The following RASA2 variants were observed in gnomAD, a reference collection of about 807,000 sequenced individuals.
The protein encoded by RASA2 is RAS p21 protein activator 2.
RASA2 carries 155 observed loss-of-function variants against 118.2 expected under a neutral mutation model. The ratio of observed to expected loss-of-function variants is 1.31; its 90% confidence interval spans 1.15 to 1.50. The LOEUF is 1.50. Among genes scored for constraint, RASA2 ranks in the 40% most tolerant of loss-of-function variants. RASA2 has a pLI of 0.00. For synonymous variants in RASA2, 353 were observed against 349.1 expected (o/e 1.01, Z -0.12); for missense variants, 1,016 against 1,009.6 (o/e 1.01, Z -0.09).
At chr3:141,557,676 A>G (rs916624766) in intron 7 of RASA2, among the ~76,000 whole-genome samples, 2 of 152,136 alleles carry the variant, frequency 1.3e-5, no homozygotes, top group Non-Finnish European at 1.5e-5. Context: ...GAGAAAGAAC[A>G]AAGCTGGGGA....
intron 19 of RASA2, among the ~76,000 whole-genome samples, chr3:141,594,307 A>G (rs2083331141): frequency 6.6e-6 from 1 of 151,988 alleles, no homozygotes; most frequent in South Asian, 2.1e-4. Flanking sequence ...GTAGTCTAAC[A>G]TATGCATGGT....
At chr3:141,591,033 A>G (rs545402165) in intron 19 of RASA2, among the ~76,000 whole-genome samples, 1 of 152,322 alleles carries the variant, frequency 6.6e-6, no homozygotes, top group South Asian at 2.1e-4. Flanking sequence ...GGCCCTGTGT[A>G]CTTACAATTA....
chr3:141,496,411 T>G lies in RASA2; in HGVS notation c.133+9195T>G, dbSNP rs148634850. Among the ~76,000 whole-genome samples, 533 of 152,178 alleles carry G rather than the reference T, an allele frequency of 3.5e-3. 5 individuals carry two copies. The highest frequency in any genetic ancestry group is 0.012 in the African/African-American group (494 of 41,500). On this transcript the variant is annotated intron_variant, in intron 1 of 23. Transcript: ENST00000286364. ...ACAGAATGGGAGAAAAATTTTGCAATCTACTCATCTGACAAAGGGCTAATA... is the reference window on the plus strand; with the variant it reads ...ACAGAATGGGAGAAAAATTTTGCAAGCTACTCATCTGACAAAGGGCTAATA...
At chr3:141,554,107 C>G (rs1408959171) in intron 6 of RASA2, among the ~76,000 whole-genome samples, 167 bp downstream of exon 6, 1 of 152,142 alleles carries the variant, frequency 6.6e-6, no homozygotes, top group Non-Finnish European at 1.5e-5. Flanking sequence ...TTGTCAATAA[C>G]AAAGCCCTCT....
intron 19 of RASA2, among the ~76,000 whole-genome samples, chr3:141,606,232 C>T (rs1421467740): frequency 2.6e-5 from 4 of 152,208 alleles, no homozygotes; most frequent in Non-Finnish European, 5.9e-5. Flanking sequence ...CCTTCAGTTA[C>T]TGCCTCCCTG....
intron 1 of RASA2, among the ~76,000 whole-genome samples, chr3:141,502,438 A>G (rs910116321): frequency 1.3e-5 from 2 of 152,110 alleles, no homozygotes; most frequent in Non-Finnish European, 2.9e-5. Flanking sequence ...GTTTGATACT[A>G]GCTGTCCTTT....
rs745923173 is a variant in RASA2 at position 141,581,160 on chromosome 3, A to G, written c.1735A>G (p.Ile579Val). The change falls in exon 17 of 24, where the codon ATT becomes GTT. Residue 579 changes from isoleucine to valine, a missense_variant. Coordinates refer to ENST00000286364, the MANE Select transcript of RASA2 (RefSeq NM_006506.5). Reference protein sequence around the residue: ...FFKMFQEEGYIIAVKKFLDEI... With the variant: ...FFKMFQEEGYVIAVKKFLDEI... ...CAAAATGTTTCAAGAAGAAGGATAT[A>G]TTATAGCAGTTAAAAAGGTATGATG... 1 of 1,526,056 alleles carries G rather than the reference A, an allele frequency of 6.6e-7. No individual in the cohort carries two copies. The highest frequency in any genetic ancestry group is 1.3e-5 in the South Asian group (1 of 75,120). The allele number at this position is 1,526,056 out of a possible 1,614,324, so 94.5% of individuals were successfully genotyped here.
chr3:141,489,916 A>C (rs2081620122), intron 1 of RASA2, among the ~76,000 whole-genome samples: 1 of 152,188 alleles, frequency 6.6e-6, no homozygotes, highest in Middle Eastern at 3.4e-3. Context: ...ATGAGACCTC[A>C]ATATATATAA....
chr3:141,588,113 A>G (rs989237051), intron 19 of RASA2, among the ~76,000 whole-genome samples: 11 of 152,158 alleles, frequency 7.2e-5, no homozygotes, highest in Admixed American at 4.6e-4. Flanking sequence ...TTCAAGCACA[A>G]AATCCTCTTA....
At chr3:141,549,714 A>C (rs1304048108) in intron 5 of RASA2, among the ~76,000 whole-genome samples, 6 of 152,208 alleles carry the variant, frequency 3.9e-5, no homozygotes, top group Admixed American at 3.9e-4. Context: ...GCTAATGACT[A>C]CAGCATTAGT....
At chr3:141,491,433 T>C (rs1009413150) in intron 1 of RASA2, among the ~76,000 whole-genome samples, 1 of 152,196 alleles carries the variant, frequency 6.6e-6, no homozygotes, top group Non-Finnish European at 1.5e-5. Flanking sequence ...TCCTGTTAGA[T>C]TGTGAGCTCT....
intron 19 of RASA2, among the ~76,000 whole-genome samples, chr3:141,593,325 G>C (rs2083315056): frequency 6.6e-6 from 1 of 152,140 alleles, no homozygotes. Flanking sequence ...GGGATTACAG[G>C]CATGAGCCAC....
intron 1 of RASA2, among the ~76,000 whole-genome samples, chr3:141,502,949 T>G (rs1272840011): frequency 6.6e-6 from 1 of 152,196 alleles, no homozygotes; most frequent in African/African-American, 2.4e-5. Flanking sequence ...CAGAAAGACC[T>G]TAAGAGTTGA....
rs1560066830 is a variant in RASA2 at position 141,607,674 on chromosome 3, T to G, written c.1934-4T>G. On this transcript the variant is annotated splice_polypyrimidine_tract_variant and splice_region_variant and intron_variant, in intron 19 of 23. Coordinates refer to ENST00000286364, the MANE Select transcript of RASA2 (RefSeq NM_006506.5). ...AATTTTGTTTTACTTTTTTTATTAT[T>G]TAGGCAAAGATGCAATCTACACAAT... The G allele has an allele frequency of 1.3e-6, 2 of 1,565,990 alleles. No homozygotes were observed. Among genetic ancestry groups the G allele is most frequent in the East Asian group, 2.3e-5 (1 of 43,676 alleles).
chr3:141,592,920 A>G (rs1465856038), intron 19 of RASA2, among the ~76,000 whole-genome samples: 1 of 152,024 alleles, frequency 6.6e-6, no homozygotes, highest in Non-Finnish European at 1.5e-5. Flanking sequence ...AAAAACCAAG[A>G]GTCCTGGTAG....
chr3:141,576,922 T>C, intron 14 of RASA2, 78 bp from the exon 15 acceptor site: 5 of 954,898 alleles, frequency 5.2e-6, no homozygotes, highest in Non-Finnish European at 7.8e-6. Context: ...TTTACATGTC[T>C]TTTCTATATT....
chr3:141,571,555 G>GT lies in RASA2; in HGVS notation c.1169+2dup. 1.3e-6 allele frequency: 2 copies of GT among 1,597,302 alleles called. No homozygotes were observed. Among genetic ancestry groups the GT allele is most frequent in the Non-Finnish European group, 1.7e-6 (2 of 1,171,998 alleles). On this transcript the variant is annotated splice_donor_variant, in intron 11 of 23. Coordinates refer to ENST00000286364, the MANE Select transcript of RASA2 (RefSeq NM_006506.5). LOFTEE classifies it high-confidence loss of function. The stretch of plus-strand genomic sequence containing the variant: ...CTGAATTAGACTTGAAGGATACACA[G>GT]TAAGAGTTATATTTTATTAAATGTT...
chr3:141,561,407 A>G (rs569478431), intron 9 of RASA2, among the ~76,000 whole-genome samples: 4 of 152,368 alleles, frequency 2.6e-5, no homozygotes, highest in African/African-American at 9.6e-5. Flanking sequence ...ATGTAAGAAC[A>G]TTAACAAACT....
chr3:141,492,133 A>T lies in RASA2; in HGVS notation c.133+4917A>T, dbSNP rs79644951. On this transcript the variant is annotated intron_variant, in intron 1 of 23. Transcript: ENST00000286364. Reference sequence around the variant, plus strand: ...TTTGCTCTGTGGAAGACGGGAGGTAAACCTCAGTGAGTTCATAGAGTTGTT... The same window carrying T: ...TTTGCTCTGTGGAAGACGGGAGGTATACCTCAGTGAGTTCATAGAGTTGTT... 4.6e-3 allele frequency among the ~76,000 whole-genome samples: 695 copies of T among 152,328 alleles called. 5 individuals are homozygous for T. Among genetic ancestry groups the T allele is most frequent in the African/African-American group, 0.016 (664 of 41,582 alleles).
Sources: gnomAD v4.1 joint callset for allele counts (sites outside exome capture counted in the v4.1 genomes callset) on GRCh38, gnomAD v4.1.1 for gene constraint, MANE v1.5 for transcripts, NCBI Gene and HGNC (gene_info 2026-07-23, HGNC 2026-07-21) for gene names.